VWA8: variants seen among roughly 807,000 people sequenced by gnomAD.
VWA8 encodes von Willebrand factor A domain containing 8, also known as von Willebrand factor A domain-containing protein 8.
VWA8 carries 221 observed loss-of-function variants against 241.5 expected under a neutral mutation model. The ratio of observed to expected loss-of-function variants is 0.91; its 90% CI spans 0.82 to 1.02. VWA8 has a LOEUF of 1.02. Ranked by LOEUF, VWA8 falls within the 50% of genes least tolerant of loss-of-function variation. VWA8 has a pLI of 0.00. For missense variants in VWA8, 2,322 were observed against 2,328.7 expected (o/e 1.00, Z 0.06); for synonymous variants, 852 against 827.1 (o/e 1.03, Z -0.52).
At chr13:41,818,776 T>C (rs2137984028) in intron 15 of VWA8, among the ~76,000 whole-genome samples, 1 of 152,262 alleles carries the variant, frequency 6.6e-6, no homozygotes, top group East Asian at 1.9e-4. Context: ...TATTTACGTG[T>C]CTGGCCTCCT....
chr13:41,876,844 C>T (rs1873923277), intron 9 of VWA8, among the ~76,000 whole-genome samples: 1 of 152,032 alleles, frequency 6.6e-6, no homozygotes, highest in Admixed American at 6.6e-5. Context: ...CGCAGTTCTG[C>T]TTCTATCTCT....
At chr13:41,661,401 G>T (rs765806398) in intron 37 of VWA8, among the ~76,000 whole-genome samples, 5 of 152,126 alleles carry the variant, frequency 3.3e-5, no homozygotes, top group Non-Finnish European at 7.4e-5. Context: ...GTGAAAGTTG[G>T]TAATGCTGCC....
intron 15 of VWA8, among the ~76,000 whole-genome samples, chr13:41,817,072 GC>G (rs562079397): frequency 8.2e-4 from 125 of 152,076 alleles, no homozygotes; most frequent in African/African-American, 2.9e-3. Flanking sequence ...TTTAAAACTG[GC>G]CCATAGTGTA....
At chr13:41,806,846 C>A (rs1310694360) in intron 17 of VWA8, among the ~76,000 whole-genome samples, 4 of 151,108 alleles carry the variant, frequency 2.6e-5, no homozygotes. Context: ...CCACTGCACT[C>A]CAGTCTGGCA....
intron 40 of VWA8, among the ~76,000 whole-genome samples, chr13:41,592,648 T>C (rs1381352712): frequency 1.3e-5 from 2 of 151,578 alleles, no homozygotes; most frequent in South Asian, 4.2e-4. Context: ...CCATTTCTCT[T>C]TTCATTATGT....
intron 37 of VWA8, among the ~76,000 whole-genome samples, chr13:41,615,633 A>AT (rs1358764334): frequency 1.3e-5 from 2 of 152,012 alleles, no homozygotes; most frequent in Non-Finnish European, 2.9e-5. Flanking sequence ...CTGCTTATTT[A>AT]TTTTTTTGAC....
intron 37 of VWA8, among the ~76,000 whole-genome samples, chr13:41,625,133 A>C (rs2044681118): frequency 6.6e-6 from 1 of 152,196 alleles, no homozygotes. Context: ...AGATCTCTAC[A>C]ATGAGAATTA....
intron 21 of VWA8, among the ~76,000 whole-genome samples, chr13:41,741,868 G>A (rs549975043): frequency 6.6e-6 from 1 of 152,308 alleles, no homozygotes; most frequent in East Asian, 1.9e-4. Flanking sequence ...GACAAGGGCT[G>A]TAACAGAAAT....
At chr13:41,798,008 C>G (rs528455114) in intron 17 of VWA8, among the ~76,000 whole-genome samples, 3 of 152,196 alleles carry the variant, frequency 2.0e-5, no homozygotes, top group Admixed American at 2.0e-4. Context: ...TCTCTACCAC[C>G]ACTGGATTTA....
chr13:41,729,798 G>GACAC (rs59345894), intron 22 of VWA8, 121 bp from the exon 23 acceptor site: 11,001 of 442,454 alleles, frequency 0.025, 138 homozygotes, highest in East Asian at 0.055. Flanking sequence ...TATACACGTA[G>GACAC]ACACACACAC....
At chr13:41,817,299 G>T (rs1315116631) in intron 15 of VWA8, among the ~76,000 whole-genome samples, 1 of 152,092 alleles carries the variant, frequency 6.6e-6, no homozygotes, top group Non-Finnish European at 1.5e-5. Flanking sequence ...TATTTGAGGG[G>T]TATGATCAAC....
chr13:41,771,182 C>T (rs2045820381), intron 20 of VWA8, among the ~76,000 whole-genome samples: 1 of 152,088 alleles, frequency 6.6e-6, no homozygotes, highest in Non-Finnish European at 1.5e-5. Flanking sequence ...GAGTGCAGTG[C>T]TGTGATCTCG....
At chr13:41,568,467 A>C (rs1421832336) in intron 44 of VWA8, 162 bp from the exon 45 acceptor site, 1 of 511,254 alleles carries the variant, frequency 2.0e-6, no homozygotes, top group Non-Finnish European at 3.5e-6. Context: ...GTCATTAAAC[A>C]ATGAAAGGCT....
intron 19 of VWA8, among the ~76,000 whole-genome samples, chr13:41,779,718 T>C (rs1324954019): frequency 6.6e-6 from 1 of 152,160 alleles, no homozygotes; most frequent in Non-Finnish European, 1.5e-5. Flanking sequence ...GCTCTTCCAG[T>C]AATAAATGGG....
At chr13:41,649,451 T>C (rs568852810) in intron 37 of VWA8, among the ~76,000 whole-genome samples, 13 of 152,270 alleles carry the variant, frequency 8.5e-5, no homozygotes, top group African/African-American at 2.6e-4. Context: ...GTTTATTTGC[T>C]GTATTAGATG....
intron 30 of VWA8, 139 bp downstream of exon 30, chr13:41,692,723 T>A (rs2045186464): frequency 1.7e-6 from 1 of 580,450 alleles, no homozygotes; most frequent in Non-Finnish European, 3.1e-6. Flanking sequence ...CATGTTAAAA[T>A]CTATACGTGC....
chr13:41,574,643 G>T (rs1284687676), intron 43 of VWA8, among the ~76,000 whole-genome samples: 2 of 152,194 alleles, frequency 1.3e-5, no homozygotes, highest in East Asian at 3.8e-4. Context: ...CAGCAAATCT[G>T]AAGGCATCAC....
chr13:41,830,529 C>T lies in VWA8; in HGVS notation c.1700G>A (p.Arg567Lys), dbSNP rs145075481. 1 of 1,611,796 alleles carries T rather than the reference C, an allele frequency of 6.2e-7. No homozygotes were observed. The highest frequency in any genetic ancestry group is 8.5e-7 in the Non-Finnish European group (1 of 1,178,702). ...LQLSDEQLQK[R>K]SIFPIHPSFR... ...ATGGGAGTAATGGACCCCAAATTAC[C>T]TCTTCTGTAGCTGTTCATCAGACAG... is the stretch of plus-strand genomic sequence containing the variant. Residue 567 changes from arginine (R) to lysine (K), a missense_variant and splice_region_variant, in exon 14 of 45, where the codon AGA (arginine) becomes AAA (lysine). Physicochemically the swap from Arg to Lys is conservative, Grantham distance 26. Transcript: ENST00000379310.
In VWA8 at chr13:41,748,895, C is replaced by T. The variant is rs965222702; in HGVS notation, c.2426+12233G>A. On this transcript the variant is annotated intron_variant, in intron 21 of 44. Transcript: ENST00000379310. ...AAAGACTTAAATGTTAGACCTAAAA[C>T]CATAAAAACCCTAGAAGAAAATCTA... Among the ~76,000 whole-genome samples, 29 of 152,154 alleles carry T rather than the reference C, an allele frequency of 1.9e-4. No homozygotes were observed. The East Asian group carries it at 5.4e-3, about 28-fold the overall frequency.
Sources: gnomAD v4.1 joint callset for allele counts (sites outside exome capture counted in the v4.1 genomes callset) on GRCh38, gnomAD v4.1.1 for gene constraint, MANE v1.5 for transcripts, NCBI Gene and HGNC (gene_info 2026-07-23, HGNC 2026-07-21) for gene names.